The following AKAP6 variants were observed in gnomAD, a reference collection of about 807,000 sequenced individuals.
AKAP6 encodes A-kinase anchor protein 6.
In AKAP6, 58 loss-of-function variants were observed where a neutral mutation model predicts 188.5. The ratio of observed to expected loss-of-function variants is 0.31; its 90% CI spans 0.25 to 0.38. AKAP6 has a LOEUF of 0.38. AKAP6 is among the 10% of genes least tolerant of loss of function. AKAP6 has a pLI of 1.00. For synonymous variants in AKAP6, 989 were observed against 998.6 expected, an observed-to-expected ratio of 0.99 and a Z score of 0.18; for missense variants, 2,710 against 2,740.0, an observed-to-expected ratio of 0.99 and a Z score of 0.24.
At chr14:32,535,846 A>G in intron 3 of AKAP6, 41 bp downstream of exon 3, 1 of 1,578,536 alleles carries the variant, frequency 6.3e-7, no homozygotes, top group Non-Finnish European at 8.6e-7. Flanking sequence ...ATTTCCAGGT[A>G]TGACCAATTG....
At chr14:32,382,413 A>G (rs920564888) in intron 1 of AKAP6, among the ~76,000 whole-genome samples, 1 of 152,174 alleles carries the variant, frequency 6.6e-6, no homozygotes, top group Non-Finnish European at 1.5e-5. Flanking sequence ...TTTGAGGCTT[A>G]GTTTCCTTGT....
intron 1 of AKAP6, among the ~76,000 whole-genome samples, chr14:32,413,174 AATTTTTTTTT>A (rs1170582906): frequency 7.6e-6 from 1 of 131,168 alleles, no homozygotes; most frequent in Non-Finnish European, 1.6e-5. Context: ...TATTTATTGA[AATTTTTTTTT>A]TTTTTTTTTT....
intron 7 of AKAP6, 109 bp from the exon 8 acceptor site, chr14:32,678,202 G>T: frequency 8.8e-7 from 1 of 1,131,634 alleles, no homozygotes; most frequent in Non-Finnish European, 1.2e-6. Flanking sequence ...AACTCGAAAA[G>T]GAGCACTATA....
intron 1 of AKAP6, among the ~76,000 whole-genome samples, chr14:32,382,070 A>G (rs1188535160): frequency 1.3e-5 from 2 of 152,230 alleles, no homozygotes; most frequent in Non-Finnish European, 2.9e-5. Flanking sequence ...TGAAAAGGGG[A>G]TTAGTAATAC....
intron 2 of AKAP6, among the ~76,000 whole-genome samples, chr14:32,520,725 C>G (rs1416989152): frequency 6.6e-6 from 1 of 152,140 alleles, no homozygotes; most frequent in Non-Finnish European, 1.5e-5. Flanking sequence ...CAAAAAAAGT[C>G]TAGGACCAGA....
chr14:32,335,054 G>A (rs1030926149), intron 1 of AKAP6, among the ~76,000 whole-genome samples: 1 of 152,022 alleles, frequency 6.6e-6, no homozygotes, highest in African/African-American at 2.4e-5. Context: ...AGGCTCAAAC[G>A]ATCCTCCCAC....
Position 32,546,289 on chromosome 14 carries a change from A to G in AKAP6, c.1636A>G (p.Thr546Ala). ...TTCCAAGGCCATAGAGGGGCCACAA[A>G]CAAATTCTGCTTCCACATCCTCACT... ...YTSKAIEGPQTNSASTSSLEP... is the reference protein window; with the variant it reads ...YTSKAIEGPQANSASTSSLEP... The change falls in exon 4 of 14, where the codon ACA becomes GCA. Residue 546 changes from threonine (T) to alanine (A), a missense_variant. By Grantham distance (58) the Thr-to-Ala change is moderately conservative. Transcript: ENST00000280979. 1 of 1,614,168 alleles carries G rather than the reference A, an allele frequency of 6.2e-7. No homozygotes were observed. Among genetic ancestry groups the G allele is most frequent in the South Asian group, 1.1e-5 (1 of 91,082 alleles).
rs191497019 is a variant in AKAP6, at chr14:32,422,645, C to A, written c.-34-10815C>A. Among the ~76,000 whole-genome samples the A allele has an allele frequency of 5.8e-4, 88 of 152,266 alleles. 1 individual carries two copies. Among genetic ancestry groups the A allele is most frequent in the Non-Finnish European group, 9.6e-4 (65 of 68,026 alleles). ...CCACATGGTTGCCCAAAGCCTCAAC[C>A]CTTTGACCACATGGTTGGTCCTTCT... On this transcript the variant is annotated intron_variant, in intron 1 of 13. Coordinates refer to ENST00000280979, the MANE Select transcript of AKAP6 (RefSeq NM_004274.5).
chr14:32,700,700 C>T (rs1391946660), intron 9 of AKAP6, among the ~76,000 whole-genome samples: 5 of 152,084 alleles, frequency 3.3e-5, no homozygotes, highest in African/African-American at 4.8e-5. Flanking sequence ...TAGGCTCTAC[C>T]GTATAGCCAA....
chr14:32,461,952 AAATC>A (rs958231861), intron 2 of AKAP6, among the ~76,000 whole-genome samples: 1 of 151,938 alleles, frequency 6.6e-6, no homozygotes, highest in African/African-American at 2.4e-5. Flanking sequence ...ATCAATAGCC[AAATC>A]AATCAAGCAG....
At chr14:32,612,266 C>G (rs1886379506) in intron 7 of AKAP6, among the ~76,000 whole-genome samples, 1 of 152,104 alleles carries the variant, frequency 6.6e-6, no homozygotes. Context: ...GATTACCATC[C>G]ATCATGACCG....
intron 8 of AKAP6, among the ~76,000 whole-genome samples, chr14:32,686,766 C>G (rs1889942700): frequency 6.6e-6 from 1 of 152,110 alleles, no homozygotes. Context: ...ATTTCTGACT[C>G]TGCTTCCTGG....
chr14:32,717,527 A>G (rs566998094), intron 9 of AKAP6, among the ~76,000 whole-genome samples: 38 of 151,690 alleles, frequency 2.5e-4, no homozygotes, highest in Admixed American at 2.4e-3. Context: ...CTTTCTCTCC[A>G]TGCATCTATG....
chr14:32,786,296 A>ATGGTTTTTTTTTTTTTTTTTT, intron 12 of AKAP6, among the ~76,000 whole-genome samples: 8 of 93,706 alleles, frequency 8.5e-5, no homozygotes, highest in African/African-American at 3.3e-4. Flanking sequence ...CTAAACCTTT[A>ATGGTTTTTTTTTTTTTTTTTT]TCTTTTTTTT....
intron 7 of AKAP6, among the ~76,000 whole-genome samples, chr14:32,639,032 C>CAT (rs543835446): frequency 7.5e-4 from 114 of 151,804 alleles, no homozygotes; most frequent in Middle Eastern, 3.4e-3. Context: ...TAGGTGACTT[C>CAT]ATATATATAT....
chr14:32,575,796 G>A (rs754739232), intron 4 of AKAP6, among the ~76,000 whole-genome samples: 12 of 152,138 alleles, frequency 7.9e-5, no homozygotes, highest in Non-Finnish European at 1.6e-4. Context: ...GTACCACTAT[G>A]TGGGATGATA....
intron 9 of AKAP6, among the ~76,000 whole-genome samples, chr14:32,729,637 A>G (rs779026138): frequency 6.6e-6 from 1 of 152,188 alleles, no homozygotes; most frequent in Non-Finnish European, 1.5e-5. Flanking sequence ...TTCATTAGTC[A>G]AAATTGAATT....
intron 9 of AKAP6, among the ~76,000 whole-genome samples, chr14:32,727,177 A>C (rs1233722736): frequency 6.6e-6 from 1 of 152,168 alleles, no homozygotes; most frequent in Non-Finnish European, 1.5e-5. Flanking sequence ...CCTATAGGAG[A>C]CTTTTTTCTC....
intron 11 of AKAP6, among the ~76,000 whole-genome samples, chr14:32,738,246 A>G (rs2031520717): frequency 6.6e-6 from 1 of 152,144 alleles, no homozygotes; most frequent in South Asian, 2.1e-4. Context: ...CCCTTCAGAG[A>G]GAAAAGAAAA....
Sources: allele counts gnomAD v4.1 joint callset (sites outside exome capture counted in the v4.1 genomes callset), GRCh38; gene constraint gnomAD v4.1.1; transcripts MANE v1.5; gene names NCBI Gene and HGNC (gene_info 2026-07-23, HGNC 2026-07-21).